CNTNAP2: variants seen among roughly 807,000 people sequenced by gnomAD.
The protein encoded by CNTNAP2 is contactin-associated protein-like 2.
Under a neutral mutation model 155.2 loss-of-function variants are expected in CNTNAP2, and 98 were observed. The ratio of observed to expected loss-of-function variants is 0.63; its 90% CI spans 0.54 to 0.75. The LOEUF (loss-of-function observed/expected upper bound fraction) is 0.75, where lower values mean the gene tolerates loss of function less well. Among genes scored for constraint, CNTNAP2 ranks in the 30% least tolerant of loss-of-function variants. CNTNAP2 has a pLI of 0.00. For missense variants in CNTNAP2, 1,727 were observed against 1,688.1 expected (o/e 1.02, Z -0.40); for synonymous variants, 651 against 631.2 (o/e 1.03, Z -0.47).
intron 3 of CNTNAP2, among the ~76,000 whole-genome samples, chr7:147,014,356 T>G (rs552559648): frequency 6.6e-6 from 1 of 152,272 alleles, no homozygotes; most frequent in East Asian, 1.9e-4. Flanking sequence ...ATACATTGGT[T>G]TGTTCTATGA....
intron 15 of CNTNAP2, among the ~76,000 whole-genome samples, chr7:148,023,967 C>G (rs1342463377): frequency 6.6e-6 from 1 of 152,046 alleles, no homozygotes; most frequent in African/African-American, 2.4e-5. Context: ...CTTCATGTTA[C>G]AGAACTGAAA....
chr7:147,978,089 T>A, intron 15 of CNTNAP2, 100 bp downstream of exon 15: 1 of 1,475,876 alleles, frequency 6.8e-7, no homozygotes, highest in Non-Finnish European at 9.3e-7. Flanking sequence ...TGCTCTCCTG[T>A]AGCTCCTACA....
rs368408432 is a variant in CNTNAP2 at position 148,026,446 on chromosome 7, G to A, written c.2383+48457G>A. On this transcript the variant is annotated intron_variant, in intron 15 of 23. Coordinates refer to ENST00000361727, the MANE Select transcript of CNTNAP2 (RefSeq NM_014141.6). ...AGCCTGGGTGACAGAACAAGACCCC[G>A]TCTCAAAAATATATATATGTTTTAT... Among the ~76,000 whole-genome samples the A allele has an allele frequency of 7.0e-4, 106 of 152,068 alleles. 3 individuals are homozygous for A. In the South Asian group the frequency reaches 0.016, roughly 23 times the overall value.
chr7:146,700,957 G>A (rs1800866768), intron 1 of CNTNAP2, among the ~76,000 whole-genome samples: 1 of 152,060 alleles, frequency 6.6e-6, no homozygotes, highest in South Asian at 2.1e-4. Context: ...ATAAAATTAT[G>A]CTAGCCTTAG....
intron 10 of CNTNAP2, among the ~76,000 whole-genome samples, chr7:147,428,445 G>A (rs1385728503): frequency 1.3e-5 from 2 of 152,042 alleles, no homozygotes; most frequent in Non-Finnish European, 2.9e-5. Flanking sequence ...CTCATTTAAT[G>A]ATTAAAATTG....
At chr7:146,838,532 G>A (rs1314925754) in intron 2 of CNTNAP2, among the ~76,000 whole-genome samples, 2 of 152,104 alleles carry the variant, frequency 1.3e-5, no homozygotes, top group Non-Finnish European at 1.5e-5. Flanking sequence ...TGGCCAGGCT[G>A]ATCTCCAACT....
chr7:147,350,659 T>G (rs1343419550), intron 9 of CNTNAP2, among the ~76,000 whole-genome samples: 1 of 151,852 alleles, frequency 6.6e-6, no homozygotes, highest in Non-Finnish European at 1.5e-5. Context: ...TCCCCTTCAG[T>G]GCTGCCTTAC....
At chr7:146,439,020 A>G (rs1313473169) in intron 1 of CNTNAP2, among the ~76,000 whole-genome samples, 1 of 151,486 alleles carries the variant, frequency 6.6e-6, no homozygotes, top group Non-Finnish European at 1.5e-5. Flanking sequence ...CATTTTCAAA[A>G]ACAGAAAACA....
chr7:146,404,315 G>A (rs1563071721), intron 1 of CNTNAP2, among the ~76,000 whole-genome samples: 1 of 152,116 alleles, frequency 6.6e-6, no homozygotes, highest in Admixed American at 6.5e-5. Flanking sequence ...TAGCAGATGG[G>A]CACATCCAGG....
chr7:147,867,735 C>T (rs763336890), intron 13 of CNTNAP2, among the ~76,000 whole-genome samples: 10 of 152,068 alleles, frequency 6.6e-5, no homozygotes, highest in East Asian at 1.9e-4. Context: ...TCTACTTGAT[C>T]GAATCAGCTG....
intron 9 of CNTNAP2, among the ~76,000 whole-genome samples, chr7:147,359,284 T>G (rs1796110838): frequency 6.6e-6 from 1 of 152,148 alleles, no homozygotes; most frequent in Non-Finnish European, 1.5e-5. Context: ...CAAATCCTGT[T>G]GCCTTTATCT....
chr7:147,118,285 T>A (rs528499869), intron 5 of CNTNAP2, among the ~76,000 whole-genome samples: 4 of 152,302 alleles, frequency 2.6e-5, no homozygotes, highest in Admixed American at 6.5e-5. Flanking sequence ...CAATACAGTA[T>A]TTTGGTCCAA....
chr7:148,129,086 A>C (rs1271374725), intron 16 of CNTNAP2, among the ~76,000 whole-genome samples: 1 of 152,100 alleles, frequency 6.6e-6, no homozygotes, highest in East Asian at 1.9e-4. Context: ...ACTTCCAGTC[A>C]CACCCAAAGA....
intron 3 of CNTNAP2, among the ~76,000 whole-genome samples, chr7:146,895,431 T>A (rs1257508654): frequency 2.6e-5 from 4 of 151,996 alleles, no homozygotes; most frequent in Non-Finnish European, 2.9e-5. Context: ...TCACACAGGA[T>A]ATACAGTTAC....
chr7:148,316,509 G>A (rs531524971), intron 21 of CNTNAP2, among the ~76,000 whole-genome samples: 26 of 152,156 alleles, frequency 1.7e-4, no homozygotes, highest in Non-Finnish European at 2.9e-4. Flanking sequence ...TAATGGGGAT[G>A]TGAGGATCTC....
intron 4 of CNTNAP2, among the ~76,000 whole-genome samples, chr7:147,052,516 AC>A: frequency 6.6e-6 from 1 of 152,258 alleles, no homozygotes; most frequent in African/African-American, 2.4e-5. Context: ...TAAGGGGCCT[AC>A]AAAATATTGA....
chr7:147,587,710 A>T (rs1365238432), intron 12 of CNTNAP2, among the ~76,000 whole-genome samples: 5 of 152,166 alleles, frequency 3.3e-5, no homozygotes, highest in African/African-American at 1.2e-4. Context: ...AAGATCGGAT[A>T]TTCTTTTAAA....
chr7:146,133,915 A>C (rs967660044), intron 1 of CNTNAP2, among the ~76,000 whole-genome samples: 1 of 151,628 alleles, frequency 6.6e-6, no homozygotes, highest in African/African-American at 2.4e-5. Context: ...TTGGTTCCAT[A>C]TGAACTTTAA....
intron 11 of CNTNAP2, among the ~76,000 whole-genome samples, chr7:147,542,247 T>C (rs192075821): frequency 6.6e-6 from 1 of 151,986 alleles, no homozygotes; most frequent in East Asian, 1.9e-4. Context: ...CCTTTTCCTT[T>C]CTTCTTTTTT....
Sources: allele counts gnomAD v4.1 joint callset (sites outside exome capture counted in the v4.1 genomes callset), GRCh38; gene constraint gnomAD v4.1.1; transcripts MANE v1.5; gene names NCBI Gene and HGNC (gene_info 2026-07-23, HGNC 2026-07-21).